The following SYTL5 variants were observed in gnomAD, a reference collection of about 807,000 sequenced individuals.
SYTL5 encodes the protein synaptotagmin like 5.
Under a neutral mutation model 55.9 loss-of-function variants are expected in SYTL5, and 34 were observed. The ratio of observed to expected loss-of-function variants is 0.61; its 90% confidence interval spans 0.46 to 0.81. The LOEUF is 0.81. SYTL5 is among the 30% of genes least tolerant of loss of function. The probability of loss-of-function intolerance (pLI) is 0.00; values close to 1 mark genes in which losing one functional copy is unlikely to be tolerated. For missense variants in SYTL5, 637 were observed against 546.7 expected, an observed-to-expected ratio of 1.17 and a Z score of -1.65; for synonymous variants, 221 against 188.7, an observed-to-expected ratio of 1.17 and a Z score of -1.40.
the SYTL5 span, chrX:37,991,038 C>A: frequency 8.3e-7 from 1 of 1,211,655 alleles, no homozygotes; most frequent in Non-Finnish European, 1.1e-6. Context: ...CATCATGGAG[C>A]GGGTAGGCTT....
chrX:37,889,263 C>T, the SYTL5 span, among the ~76,000 whole-genome samples: 1 of 111,949 alleles, frequency 8.9e-6, no homozygotes, highest in Admixed American at 9.5e-5. Flanking sequence ...TATCATTAGG[C>T]TCTATGAGAC....
chrX:38,057,906 G>A (rs1935836954), intron 3 of SYTL5, among the ~76,000 whole-genome samples: 2 of 111,014 alleles, frequency 1.8e-5, no homozygotes, highest in African/African-American at 6.5e-5. Flanking sequence ...GCTTTCCATT[G>A]TCTTAATGGT....
the SYTL5 span, among the ~76,000 whole-genome samples, chrX:37,909,631 A>C: frequency 9.0e-6 from 1 of 110,994 alleles, no homozygotes; most frequent in African/African-American, 3.3e-5. Context: ...TTTGTTGCAC[A>C]TTAAAAATTA....
At chrX:37,942,694 A>G in the SYTL5 span, among the ~76,000 whole-genome samples, 3 of 111,309 alleles carry the variant, frequency 2.7e-5, no homozygotes, top group Non-Finnish European at 3.8e-5. Context: ...AAACTAACAT[A>G]TGGCTTTTGT....
rs1419853090 is a variant in SYTL5 at position 38,114,461 on chromosome X, C to T, written c.1596+3979C>T. On this transcript the variant is annotated intron_variant, in intron 13 of 16. Transcript: ENST00000297875. ...AGAAACCCTCTTGCCCCAGAAATTA[C>T]AACCAGTAGTAGGTCAGTTAATAGA... is the stretch of plus-strand genomic sequence containing the variant. Among the ~76,000 whole-genome samples the T allele has an allele frequency of 2.7e-5, 3 of 112,178 alleles. No individual in the cohort carries two copies. In the South Asian group the frequency reaches 1.1e-3, roughly 41 times the overall value.
chrX:38,108,765 A>T, intron 12 of SYTL5, 66 bp downstream of exon 12: 1 of 664,964 alleles, frequency 1.5e-6, no homozygotes, highest in South Asian at 2.9e-5. Context: ...TTTAGAAGTA[A>T]CTACAGAGAA....
chrX:37,992,536 C>G, the SYTL5 span, among the ~76,000 whole-genome samples: 1 of 113,052 alleles, frequency 8.8e-6, no homozygotes, highest in African/African-American at 3.2e-5. Context: ...AAAAGTCTCT[C>G]CATCTGTGGG....
chrX:37,898,183 C>A, the SYTL5 span, among the ~76,000 whole-genome samples: 1 of 111,838 alleles, frequency 8.9e-6, no homozygotes, highest in Non-Finnish European at 1.9e-5. Context: ...GGGGAAGGGG[C>A]AAGGCAACTC....
At chrX:38,111,853 C>T (rs1937368185) in intron 13 of SYTL5, among the ~76,000 whole-genome samples, 1 of 112,036 alleles carries the variant, frequency 8.9e-6, no homozygotes, top group African/African-American at 3.2e-5. Context: ...TCAGAATATA[C>T]CCTGGTTCTG....
At position 38,033,827 on chromosome X, in the gene SYTL5, T is replaced by C. The variant is rs764205024; in HGVS notation, c.-63T>C. ...GAATTGGTTGGGGGAATCTTAGTTG[T>C]AGATATCAATTCACCTTCTTGAAGA... On this transcript the variant is annotated 5_prime_UTR_variant, in exon 2 of 17. Transcript: ENST00000297875. 1.1e-5 allele frequency: 7 copies of C among 616,294 alleles called. No individual in the cohort carries two copies. The highest frequency in any genetic ancestry group is 1.6e-5 in the Non-Finnish European group (6 of 386,607). 50.8% of individuals were successfully genotyped at this position (616,294 alleles called of 1,213,427 possible).
the SYTL5 span, among the ~76,000 whole-genome samples, chrX:37,960,998 G>A: frequency 1.3e-4 from 14 of 108,581 alleles, no homozygotes; most frequent in South Asian, 8.0e-4. Context: ...GGGTTTCACC[G>A]TGGTCTCGAT....
the SYTL5 span, among the ~76,000 whole-genome samples, chrX:37,902,667 G>A: frequency 1.8e-5 from 2 of 110,775 alleles, no homozygotes; most frequent in African/African-American, 3.3e-5. Flanking sequence ...CTCTCCCTCC[G>A]CCAAAATAAA....
the SYTL5 span, among the ~76,000 whole-genome samples, chrX:37,970,650 T>C: frequency 8.9e-6 from 1 of 112,035 alleles, no homozygotes; most frequent in Non-Finnish European, 1.9e-5. Flanking sequence ...ACCTAGATTA[T>C]TTACAAAAAC....
intron 11 of SYTL5, among the ~76,000 whole-genome samples, chrX:38,108,162 C>A: frequency 8.9e-6 from 1 of 112,286 alleles, no homozygotes; most frequent in South Asian, 3.7e-4. Flanking sequence ...ATTTGTGAGA[C>A]CATTAATATT....
the SYTL5 span, chrX:37,946,335 A>G: frequency 7.8e-3 from 1,173 of 150,151 alleles, 15 homozygotes; most frequent in African/African-American, 0.035. Flanking sequence ...CTTTGATACT[A>G]CTTGGCACTA....
chrX:37,924,982 A>G, the SYTL5 span, among the ~76,000 whole-genome samples: 1 of 110,778 alleles, frequency 9.0e-6, no homozygotes, highest in East Asian at 2.8e-4. Flanking sequence ...TTTTTTATCT[A>G]AATGTCTGTT....
the SYTL5 span, among the ~76,000 whole-genome samples, chrX:37,962,308 G>A: frequency 9.1e-6 from 1 of 109,750 alleles, no homozygotes; most frequent in African/African-American, 3.4e-5. Flanking sequence ...CTACCTATGA[G>A]TGAGAACATG....
At chrX:38,089,611 A>C in intron 7 of SYTL5, 24 bp downstream of exon 7, 1 of 1,189,743 alleles carries the variant, frequency 8.4e-7, no homozygotes, top group Non-Finnish European at 1.1e-6. Context: ...CCTGATGAAC[A>C]CCGTATTAGT....
At chrX:38,121,936 A>G in intron 14 of SYTL5, 144 bp from the exon 15 acceptor site, 1 of 519,904 alleles carries the variant, frequency 1.9e-6, no homozygotes, top group East Asian at 4.1e-5. Flanking sequence ...GAATAAAAAT[A>G]TACAATAATG....
Sources: allele counts gnomAD v4.1 joint callset (sites outside exome capture counted in the v4.1 genomes callset), GRCh38; gene constraint gnomAD v4.1.1; transcripts MANE v1.5; gene names NCBI Gene and HGNC (gene_info 2026-07-23, HGNC 2026-07-21).